CHD7: variants seen among roughly 807,000 people sequenced by gnomAD.
The protein encoded by CHD7 is chromodomain helicase DNA binding protein 7, also known as ATP-dependent chromatin remodeler CHD7.
In CHD7, 24 loss-of-function variants were observed where a neutral mutation model predicts 307.3. The observed-to-expected ratio is 0.08, with a 90% CI of 0.06 to 0.11. CHD7 has a LOEUF of 0.11. CHD7 is among the 10% of genes least tolerant of loss of function. CHD7 has a pLI of 1.00. For synonymous variants in CHD7, 1,363 were observed against 1,349.9 expected (o/e 1.01, Z -0.21); for missense variants, 3,106 against 3,727.1 (o/e 0.83, Z 4.34).
intron 9 of CHD7, among the ~76,000 whole-genome samples, chr8:60,821,425 A>G (rs956919612): frequency 1.3e-5 from 2 of 152,020 alleles, no homozygotes; most frequent in African/African-American, 2.4e-5. Context: ...GTTTATGGCC[A>G]TAGTTTTTAA....
At chr8:60,862,130 G>T in intron 35 of CHD7, 66 bp from the exon 36 acceptor site, 1 of 1,245,948 alleles carries the variant, frequency 8.0e-7, no homozygotes, top group Non-Finnish European at 1.1e-6. Flanking sequence ...AGTTCTCTTT[G>T]GCATTTATAT....
chr8:60,840,614 A>C (rs549700520), intron 19 of CHD7, among the ~76,000 whole-genome samples: 14 of 136,272 alleles, frequency 1.0e-4, no homozygotes, highest in African/African-American at 3.1e-4. Flanking sequence ...TACCTTTTAA[A>C]GAATATGTTT....
chr8:60,749,350 A>C (rs1444504512), intron 2 of CHD7, among the ~76,000 whole-genome samples: 2 of 142,072 alleles, frequency 1.4e-5, no homozygotes, highest in Non-Finnish European at 3.0e-5. Context: ...CAGCCTGGTC[A>C]ACAGAGCAAG....
chr8:60,816,498 A>G lies in CHD7; in HGVS notation c.2610A>G (p.Ser870=), dbSNP rs758060527. 2 of 1,572,994 alleles carry G rather than the reference A, an allele frequency of 1.3e-6. No homozygotes were observed. The highest frequency in any genetic ancestry group is 1.7e-5 in the Admixed American group (1 of 58,636). ...KAKQGQNKFL[S]EIEDELFNPD... is the part of the protein sequence containing the mutation. ...AGCAGGGCCAGAACAAGTTCCTTTC[A>G]GAGGTACGACATACCTGCTTACTTT... The change falls in exon 8 of 38, where the codon TCA becomes TCG. Residue 870 remains serine (S), a synonymous_variant. Transcript: ENST00000423902.
intron 1 of CHD7, among the ~76,000 whole-genome samples, chr8:60,738,937 C>T (rs1043268212): frequency 9.2e-5 from 14 of 152,150 alleles, no homozygotes; most frequent in African/African-American, 3.4e-4. Context: ...AGTATGGGTA[C>T]TCTCAGGCAG....
At chr8:60,800,947 A>G (rs1021383343) in intron 5 of CHD7, among the ~76,000 whole-genome samples, 1 of 152,208 alleles carries the variant, frequency 6.6e-6, no homozygotes, top group Non-Finnish European at 1.5e-5. Context: ...GGTGTACTTT[A>G]TTCTCTGTGC....
At chr8:60,783,749 C>T (rs1811368830) in intron 3 of CHD7, among the ~76,000 whole-genome samples, 1 of 152,066 alleles carries the variant, frequency 6.6e-6, no homozygotes, top group Non-Finnish European at 1.5e-5. Context: ...TGCAGTGTGG[C>T]CCAAAGACTT....
intron 2 of CHD7, among the ~76,000 whole-genome samples, chr8:60,778,107 G>A (rs191934403): frequency 6.6e-6 from 1 of 151,590 alleles, no homozygotes; most frequent in East Asian, 1.9e-4. Flanking sequence ...GGGGGTGGAG[G>A]GGGGGACATG....
chr8:60,810,784 C>G (rs573628833), intron 7 of CHD7, among the ~76,000 whole-genome samples: 1 of 152,140 alleles, frequency 6.6e-6, no homozygotes, highest in South Asian at 2.1e-4. Context: ...TTTCCTACCC[C>G]ACCAGTGTGG....
chr8:60,697,903 A>C (rs771132184), intron 1 of CHD7, among the ~76,000 whole-genome samples: 4 of 152,254 alleles, frequency 2.6e-5, no homozygotes, highest in Non-Finnish European at 5.9e-5. Flanking sequence ...AGGTGGACTC[A>C]TGAGTTAGGT....
intron 2 of CHD7, among the ~76,000 whole-genome samples, chr8:60,754,035 A>G (rs1809770518): frequency 6.6e-6 from 1 of 152,202 alleles, no homozygotes; most frequent in Non-Finnish European, 1.5e-5. Context: ...AGTAAATGCA[A>G]AGAGACAAGT....
At chr8:60,840,453 T>G (rs1804923047) in intron 19 of CHD7, among the ~76,000 whole-genome samples, 1 of 152,162 alleles carries the variant, frequency 6.6e-6, no homozygotes, top group African/African-American at 2.4e-5. Flanking sequence ...GGCTTCCGCT[T>G]CTTTCATATT....
In CHD7 at chr8:60,742,997, G is replaced by T. The variant is rs142962579; in HGVS notation, c.1565G>T (p.Gly522Val). The T allele has an allele frequency of 7.6e-4, 1,233 of 1,613,694 alleles. 31 individuals are homozygous for T. The East Asian group carries it at 0.02, about 26-fold the overall frequency. Residue 522 changes from glycine (G) to valine (V), a missense_variant, in exon 2 of 38, where the codon GGC becomes GTC. By Grantham distance (109) the Gly-to-Val change is moderately radical. Around this residue, in one of 10 missense-constraint regions of CHD7, gnomAD observed 998 missense variants for 1,004.5 expected, o/e 0.99. Transcript: ENST00000423902. ...TGTCCTCCACTGCAGCCTCACCCGG[G>T]CTTGCACCACCAGTCTTCACCTCCA... is the stretch of plus-strand genomic sequence containing the variant. ...PTCPPLQPHP[G>V]LHHQSSPPHP... is the part of the protein sequence containing the mutation.
chr8:60,707,857 A>G (rs561951970), intron 1 of CHD7, among the ~76,000 whole-genome samples: 1 of 152,348 alleles, frequency 6.6e-6, no homozygotes, highest in East Asian at 1.9e-4. Flanking sequence ...TACCTTAAAT[A>G]CAATTTTCAA....
chr8:60,802,754 C>T (rs1812370008), intron 6 of CHD7, among the ~76,000 whole-genome samples: 1 of 152,072 alleles, frequency 6.6e-6, no homozygotes, highest in Admixed American at 6.5e-5. Context: ...AAAGTGAGAT[C>T]CCAGGCTTAT....
At chr8:60,794,947 A>C in intron 3 of CHD7, 39 bp from the exon 4 acceptor site, 1 of 1,588,684 alleles carries the variant, frequency 6.3e-7, no homozygotes, top group Non-Finnish European at 8.6e-7. Context: ...GCAGAAACAC[A>C]TTAAAAGTGA....
At chr8:60,788,211 C>A (rs2150684214) in intron 3 of CHD7, among the ~76,000 whole-genome samples, 1 of 151,644 alleles carries the variant, frequency 6.6e-6, no homozygotes, top group South Asian at 2.1e-4. Context: ...GCAGCCTCAG[C>A]CTCCTGGGCT....
intron 1 of CHD7, among the ~76,000 whole-genome samples, chr8:60,729,938 T>TCAAG (rs1221609873): frequency 2.6e-5 from 4 of 152,204 alleles, no homozygotes; most frequent in Non-Finnish European, 5.9e-5. Context: ...TGTCCTAATA[T>TCAAG]CAAGAGTCTT....
At chr8:60,800,624 C>G (rs1812265331) in intron 5 of CHD7, 99 bp downstream of exon 5, 2 of 1,193,618 alleles carry the variant, frequency 1.7e-6, no homozygotes, top group African/African-American at 3.0e-5. Flanking sequence ...ATTGGACTTT[C>G]AGCAGGGGAA....
Sources: gnomAD v4.1 joint callset for allele counts (sites outside exome capture counted in the v4.1 genomes callset) on GRCh38, gnomAD v4.1.1 for gene constraint, gnomAD v4.1.1 regional missense constraint, MANE v1.5 for transcripts, NCBI Gene and HGNC (gene_info 2026-07-23, HGNC 2026-07-21) for gene names.